ULK4: variants seen among roughly 807,000 people sequenced by gnomAD.
ULK4 encodes inactive serine/threonine-protein kinase ULK4.
A neutral mutation model predicts 160.6 loss-of-function variants in ULK4; 133 were observed. The ratio of observed to expected loss-of-function variants is 0.83; its 90% CI spans 0.72 to 0.96. The LOEUF is 0.96. ULK4 is among the 40% of genes least tolerant of loss of function. The pLI is 0.00. For missense variants in ULK4, 1,580 were observed against 1,499.5 expected (o/e 1.05, Z -0.89); for synonymous variants, 534 against 539.8 (o/e 0.99, Z 0.15).
rs1475370402 is a variant in ULK4, at chr3:41,789,650, C to T, written c.2193+11G>A. ...TTTAATGTAGAGTAACAGGTAAAAT[C>T]TAAGTCAAACCTTTTCTTGGATTAG... On this transcript the variant is annotated intron_variant, in intron 21 of 36. Transcript: ENST00000301831. The T allele has an allele frequency of 6.4e-7, 1 of 1,553,474 alleles. No individual in the cohort carries two copies. The highest frequency in any genetic ancestry group is 1.2e-5 in the South Asian group (1 of 81,854).
intron 3 of ULK4, 67 bp from the exon 4 acceptor site, chr3:41,936,007 C>G (rs1346980043): frequency 1.3e-6 from 2 of 1,568,750 alleles, no homozygotes; most frequent in Non-Finnish European, 1.7e-6. Flanking sequence ...CTGAGAGGTT[C>G]CACGCTGACA....
intron 35 of ULK4, among the ~76,000 whole-genome samples, chr3:41,360,032 C>G (rs987660614): frequency 4.0e-5 from 6 of 151,862 alleles, no homozygotes; most frequent in Non-Finnish European, 7.4e-5. Flanking sequence ...ATCCATCTGA[C>G]AAAAGTCTAA....
chr3:41,590,039 G>A (rs2031160422), intron 31 of ULK4, among the ~76,000 whole-genome samples: 1 of 151,434 alleles, frequency 6.6e-6, no homozygotes, highest in Non-Finnish European at 1.5e-5. Context: ...GTTTCTCTCT[G>A]TCACCCAGGC....
intron 17 of ULK4, among the ~76,000 whole-genome samples, chr3:41,842,326 A>C (rs546522185): frequency 9.9e-5 from 15 of 152,258 alleles, no homozygotes; most frequent in Non-Finnish European, 1.9e-4. Flanking sequence ...AAAAGAAAAA[A>C]AATGGTTGCA....
chr3:41,809,768 A>G (rs779536207), intron 19 of ULK4, among the ~76,000 whole-genome samples: 1 of 152,126 alleles, frequency 6.6e-6, no homozygotes, highest in Non-Finnish European at 1.5e-5. Context: ...TTGCCCTACC[A>G]ATATAATCTT....
rs559049804 is a variant in ULK4 at position 41,291,049 on chromosome 3, T to TTTTTTG, written c.3679-41481_3679-41476dup. 9.9e-3 allele frequency among the ~76,000 whole-genome samples: 1,503 copies of TTTTTTG among 152,174 alleles called. 22 individuals carry two copies. The highest frequency in any genetic ancestry group is 0.034 in the African/African-American group (1,414 of 41,474). ...TTCAGTGGTACAGGCAGATGGGATTTTTTTTGTTTTTGTTTTTGTTTTTGG... is the reference window on the plus strand; with the variant it reads ...TTCAGTGGTACAGGCAGATGGGATTTTTTTTGTTTTTGTTTTTGTTTTTGTTTTTGG... On this transcript the variant is annotated intron_variant, in intron 35 of 36. Transcript: ENST00000301831.
intron 22 of ULK4, among the ~76,000 whole-genome samples, chr3:41,741,964 C>G (rs922531532): frequency 1.3e-5 from 2 of 151,748 alleles, no homozygotes; most frequent in Non-Finnish European, 2.9e-5. Flanking sequence ...ACTGTCCCCC[C>G]AAAAAAGTGC....
chr3:41,881,284 TAAAAA>T (rs58977381), intron 17 of ULK4, among the ~76,000 whole-genome samples: 1 of 126,260 alleles, frequency 7.9e-6, no homozygotes. Flanking sequence ...CAGAAACTTC[TAAAAA>T]AAAAAAAAAA....
At chr3:41,768,745 A>C (rs948563570) in intron 21 of ULK4, among the ~76,000 whole-genome samples, 3 of 152,248 alleles carry the variant, frequency 2.0e-5, no homozygotes, top group Admixed American at 2.0e-4. Context: ...GTGGTTTGTT[A>C]CACAGCAATA....
At chr3:41,843,432 G>A (rs76157646) in intron 17 of ULK4, among the ~76,000 whole-genome samples, 83 of 152,224 alleles carry the variant, frequency 5.5e-4, no homozygotes, top group African/African-American at 1.3e-3. Context: ...TCTTAAAGGC[G>A]GTGTGTCGGG....
At chr3:41,453,737 T>C (rs71331164) in intron 34 of ULK4, among the ~76,000 whole-genome samples, 4 of 152,136 alleles carry the variant, frequency 2.6e-5, no homozygotes, top group African/African-American at 9.7e-5. Context: ...ATTATTATTG[T>C]TATTGTTCAC....
chr3:41,807,632 T>C (rs753764380), intron 19 of ULK4, among the ~76,000 whole-genome samples: 1 of 152,192 alleles, frequency 6.6e-6, no homozygotes, highest in Non-Finnish European at 1.5e-5. Flanking sequence ...ATCTAGAGCA[T>C]GAAAAGTAGT....
chr3:41,642,803 C>T (rs925023955), intron 30 of ULK4, among the ~76,000 whole-genome samples: 1 of 152,234 alleles, frequency 6.6e-6, no homozygotes, highest in Non-Finnish European at 1.5e-5. Context: ...TACAGTCCCA[C>T]CAACAGTGTA....
intron 11 of ULK4, 143 bp downstream of exon 11, chr3:41,911,174 G>T: frequency 1.2e-6 from 1 of 806,954 alleles, no homozygotes; most frequent in Non-Finnish European, 2.0e-6. Context: ...CTGTAACTTT[G>T]AAATTGGAGA....
At chr3:41,401,069 C>T (rs753119920) in intron 34 of ULK4, among the ~76,000 whole-genome samples, 13 of 152,078 alleles carry the variant, frequency 8.5e-5, no homozygotes, top group Non-Finnish European at 1.8e-4. Context: ...CAAATATTTT[C>T]TCCCAGTCTG....
At chr3:41,849,929 A>T (rs545809808) in intron 17 of ULK4, among the ~76,000 whole-genome samples, 1 of 152,248 alleles carries the variant, frequency 6.6e-6, no homozygotes, top group East Asian at 1.9e-4. Context: ...CGTCATTTAC[A>T]TTATGTGTAT....
At chr3:41,547,495 C>T (rs866514616) in intron 32 of ULK4, among the ~76,000 whole-genome samples, 6 of 152,138 alleles carry the variant, frequency 3.9e-5, no homozygotes, top group Non-Finnish European at 5.9e-5. Flanking sequence ...GGTCCACATT[C>T]CCACTGTGGA....
intron 30 of ULK4, among the ~76,000 whole-genome samples, chr3:41,624,657 C>T (rs911163856): frequency 1.2e-4 from 18 of 151,948 alleles, no homozygotes; most frequent in African/African-American, 2.9e-4. Flanking sequence ...TTTAGAGCTA[C>T]ATAAATTATT....
chr3:41,372,702 A>T (rs1334369352), intron 35 of ULK4, among the ~76,000 whole-genome samples: 1 of 152,204 alleles, frequency 6.6e-6, no homozygotes, highest in African/African-American at 2.4e-5. Flanking sequence ...AAATGTAAAG[A>T]CTATTGACAC....
Sources: allele counts gnomAD v4.1 joint callset (sites outside exome capture counted in the v4.1 genomes callset), GRCh38; gene constraint gnomAD v4.1.1; transcripts MANE v1.5; gene names NCBI Gene and HGNC (gene_info 2026-07-23, HGNC 2026-07-21).